Variants in NRXN3 observed in about 807,000 individuals in gnomAD.
The protein encoded by NRXN3 is neurexin III.
NRXN3 carries 32 observed loss-of-function variants against 137.6 expected under a neutral mutation model. That is an observed-to-expected ratio of 0.23 (90% CI 0.18 to 0.31). The LOEUF (loss-of-function observed/expected upper bound fraction) is 0.31, where lower values mean the gene tolerates loss of function less well. NRXN3 is among the 10% of genes least tolerant of loss of function. The pLI is 1.00. For synonymous variants in NRXN3, 798 were observed against 784.5 expected, an observed-to-expected ratio of 1.02 and a Z score of -0.29; for missense variants, 1,574 against 2,062.5, an observed-to-expected ratio of 0.76 and a Z score of 4.59.
At chr14:78,561,474 G>GT (rs1444787153) in intron 4 of NRXN3, among the ~76,000 whole-genome samples, 2 of 152,138 alleles carry the variant, frequency 1.3e-5, no homozygotes, top group African/African-American at 4.8e-5. Flanking sequence ...TCTTAAAAAT[G>GT]TAAGTATCTC....
At chr14:79,665,727 T>C (rs1390890744) in intron 17 of NRXN3, among the ~76,000 whole-genome samples, 1 of 152,168 alleles carries the variant, frequency 6.6e-6, no homozygotes, top group East Asian at 1.9e-4. Flanking sequence ...GAGCAGGCTC[T>C]TTAATGGTCA....
intron 8 of NRXN3, among the ~76,000 whole-genome samples, chr14:78,786,018 C>G (rs1425690199): frequency 6.6e-6 from 1 of 152,146 alleles, no homozygotes. Flanking sequence ...TTATTCTTCT[C>G]CACAGTGTAC....
intron 3 of NRXN3, among the ~76,000 whole-genome samples, chr14:78,285,417 G>A (rs2153510573): frequency 6.6e-6 from 1 of 152,198 alleles, no homozygotes; most frequent in African/African-American, 2.4e-5. Context: ...ACATCCCTAG[G>A]AGGTAAATTG....
intron 4 of NRXN3, among the ~76,000 whole-genome samples, chr14:78,490,588 TG>T (rs1451471687): frequency 1.3e-5 from 2 of 152,172 alleles, no homozygotes; most frequent in Non-Finnish European, 1.5e-5. Context: ...GGAAAGTCAT[TG>T]TTTAAAAACA....
chr14:78,469,144 C>A, intron 4 of NRXN3, among the ~76,000 whole-genome samples: 1 of 151,690 alleles, frequency 6.6e-6, no homozygotes, highest in African/African-American at 2.4e-5. Context: ...CATCCAAGGC[C>A]AATTAAGCTT....
intron 15 of NRXN3, among the ~76,000 whole-genome samples, chr14:79,285,081 T>A (rs906872604): frequency 9.2e-5 from 14 of 152,122 alleles, no homozygotes; most frequent in Non-Finnish European, 1.8e-4. Flanking sequence ...AATATCCTAG[T>A]GTCAATTTCT....
At chr14:79,234,322 A>ATATATAT (rs2072922945) in intron 15 of NRXN3, among the ~76,000 whole-genome samples, 3 of 111,794 alleles carry the variant, frequency 2.7e-5, no homozygotes, top group Non-Finnish European at 5.2e-5. Context: ...ATATATATAT[A>ATATATAT]TATATATATA....
intron 1 of NRXN3, among the ~76,000 whole-genome samples, chr14:78,214,077 G>C (rs2063012426): frequency 6.6e-6 from 1 of 152,160 alleles, no homozygotes; most frequent in Non-Finnish European, 1.5e-5. Context: ...GGTTTCAACT[G>C]TTCTTCACAT....
chr14:78,667,663 C>T (rs1314873608), intron 6 of NRXN3, among the ~76,000 whole-genome samples: 2 of 152,284 alleles, frequency 1.3e-5, no homozygotes, highest in Non-Finnish European at 2.9e-5. Flanking sequence ...AGAATAATTA[C>T]TTCTTCACAG....
chr14:79,086,077 C>A (rs2048033192), intron 15 of NRXN3, among the ~76,000 whole-genome samples: 1 of 152,078 alleles, frequency 6.6e-6, no homozygotes, highest in East Asian at 1.9e-4. Context: ...TTTTAAAGAC[C>A]AGTCTCATGA....
At chr14:79,366,123 G>A (rs998176513) in intron 15 of NRXN3, among the ~76,000 whole-genome samples, 1 of 151,916 alleles carries the variant, frequency 6.6e-6, no homozygotes, top group African/African-American at 2.4e-5. Context: ...GATAAAAATC[G>A]GAGCACTGAT....
chr14:79,466,332 A>C (rs576674867), intron 15 of NRXN3, among the ~76,000 whole-genome samples: 27 of 152,324 alleles, frequency 1.8e-4, no homozygotes, highest in Non-Finnish European at 3.4e-4. Flanking sequence ...TCACGCCTGT[A>C]ATCTCAGCAC....
At chr14:78,458,784 T>C (rs546492384) in intron 4 of NRXN3, among the ~76,000 whole-genome samples, 2 of 152,360 alleles carry the variant, frequency 1.3e-5, no homozygotes, top group East Asian at 3.9e-4. Context: ...TTGTTATATC[T>C]CCTTCTCACC....
intron 16 of NRXN3, among the ~76,000 whole-genome samples, chr14:79,548,032 A>T (rs1169872918): frequency 6.6e-6 from 1 of 151,834 alleles, no homozygotes; most frequent in African/African-American, 2.4e-5. Context: ...TTTTTTTTTA[A>T]CTATTAATTT....
At chr14:78,866,247 C>T (rs560409257) in intron 10 of NRXN3, among the ~76,000 whole-genome samples, 16 of 152,182 alleles carry the variant, frequency 1.1e-4, no homozygotes, top group Admixed American at 1.3e-4. Flanking sequence ...AAAAAAATGA[C>T]GTTTTCATCA....
intron 2 of NRXN3, among the ~76,000 whole-genome samples, chr14:78,272,371 A>C (rs1230005114): frequency 6.6e-6 from 1 of 152,210 alleles, no homozygotes. Context: ...GAAGAGGCCC[A>C]TCTAGATTTG....
chr14:79,596,075 ATTCTTT>A (rs1239343674), intron 16 of NRXN3, among the ~76,000 whole-genome samples: 1 of 150,474 alleles, frequency 6.6e-6, no homozygotes, highest in Non-Finnish European at 1.5e-5. Flanking sequence ...CTTTTATGAC[ATTCTTT>A]AATGATTTCT....
chr14:79,234,889 A>T (rs2073102226), intron 15 of NRXN3, among the ~76,000 whole-genome samples: 1 of 152,134 alleles, frequency 6.6e-6, no homozygotes, highest in South Asian at 2.1e-4. Context: ...CTAGGAAAAA[A>T]AATCTAGGTT....
intron 15 of NRXN3, among the ~76,000 whole-genome samples, chr14:79,337,347 A>C (rs1222404170): frequency 6.6e-6 from 1 of 152,228 alleles, no homozygotes; most frequent in East Asian, 1.9e-4. Flanking sequence ...CTTTGTTAGA[A>C]TCATTAAAGT....
Sources: gnomAD v4.1 joint callset for allele counts (sites outside exome capture counted in the v4.1 genomes callset) on GRCh38, gnomAD v4.1.1 for gene constraint, MANE v1.5 for transcripts, NCBI Gene and HGNC (gene_info 2026-07-23, HGNC 2026-07-21) for gene names.